The following CDH2 variants were observed in gnomAD, a reference collection of about 807,000 sequenced individuals.
CDH2 encodes cadherin 2.
Under a neutral mutation model 92.0 loss-of-function variants are expected in CDH2, and 17 were observed. That is an observed-to-expected ratio of 0.18 (90% CI 0.13 to 0.28). The LOEUF (loss-of-function observed/expected upper bound fraction) is 0.28. Ranked by LOEUF, CDH2 falls within the 10% of genes least tolerant of loss-of-function variation. The pLI is 1.00. For missense variants in CDH2, 862 were observed against 1,133.1 expected, an observed-to-expected ratio of 0.76 and a Z score of 3.44; for synonymous variants, 419 against 415.9, an observed-to-expected ratio of 1.01 and a Z score of -0.09.
At chr18:28,082,574 T>G (rs2144193129) in intron 2 of CDH2, among the ~76,000 whole-genome samples, 1 of 152,218 alleles carries the variant, frequency 6.6e-6, no homozygotes, top group Non-Finnish European at 1.5e-5. Context: ...TAATTTACAT[T>G]TTTTTCCTAC....
chr18:28,044,927 A>G (rs1381634613), intron 2 of CDH2, among the ~76,000 whole-genome samples: 1 of 151,972 alleles, frequency 6.6e-6, no homozygotes, highest in African/African-American at 2.4e-5. Context: ...GAGATTCATT[A>G]TATTTCATTA....
chr18:27,966,824 G>A lies in CDH2; in HGVS notation c.2350-3303C>T, dbSNP rs1020394153. Among the ~76,000 whole-genome samples, 20 of 152,056 alleles carry A rather than the reference G, an allele frequency of 1.3e-4. 1 individual carries two copies. The highest frequency in any genetic ancestry group is 4.4e-4 in the African/African-American group (18 of 41,376). On this transcript the variant is annotated intron_variant, in intron 14 of 15. Coordinates refer to ENST00000269141, the MANE Select transcript of CDH2 (RefSeq NM_001792.5). ...GCAGGAAGAGTCTTAAAACTTCGGT[G>A]GTCTTGCTTAGACCTTTGGACCATC...
downstream of CDH2, among the ~76,000 whole-genome samples, chr18:27,947,295 A>T (rs1487457560): frequency 6.6e-6 from 1 of 151,874 alleles, no homozygotes; most frequent in East Asian, 1.9e-4. Flanking sequence ...CACTCATAAT[A>T]GCAATGAAAA....
intron 2 of CDH2, among the ~76,000 whole-genome samples, chr18:28,033,903 T>C (rs2013760605): frequency 6.6e-6 from 1 of 152,118 alleles, no homozygotes; most frequent in Non-Finnish European, 1.5e-5. Context: ...AAAAAATGCT[T>C]GTATTAAAAA....
intron 2 of CDH2, among the ~76,000 whole-genome samples, chr18:28,038,710 AG>A (rs1157168172): frequency 1.3e-5 from 2 of 152,044 alleles, no homozygotes; most frequent in African/African-American, 4.8e-5. Flanking sequence ...CTCTTCAAAA[AG>A]GTATTTTACA....
At chr18:28,138,704 C>T (rs530444207) in intron 2 of CDH2, among the ~76,000 whole-genome samples, 2 of 152,188 alleles carry the variant, frequency 1.3e-5, no homozygotes, top group African/African-American at 2.4e-5. Flanking sequence ...TTGAGAAAGG[C>T]CTGCCACATG....
At chr18:27,999,872 T>C (rs1315310143) in intron 7 of CDH2, among the ~76,000 whole-genome samples, 2 of 151,852 alleles carry the variant, frequency 1.3e-5, no homozygotes, top group Non-Finnish European at 2.9e-5. Context: ...ATGGGGGCAG[T>C]TTCCCCCATA....
intron 1 of CDH2, among the ~76,000 whole-genome samples, chr18:28,167,816 T>G (rs984669468): frequency 1.3e-5 from 2 of 152,158 alleles, no homozygotes; most frequent in Non-Finnish European, 2.9e-5. Context: ...AAATATCATA[T>G]CAGGTAGCAG....
intron 2 of CDH2, among the ~76,000 whole-genome samples, chr18:28,109,311 T>C (rs1451646549): frequency 1.3e-5 from 2 of 152,158 alleles, no homozygotes; most frequent in African/African-American, 2.4e-5. Context: ...TGTCAGAAAA[T>C]GTTTTACTAA....
chr18:28,019,083 G>T (rs1346919818), intron 2 of CDH2, among the ~76,000 whole-genome samples: 1 of 151,904 alleles, frequency 6.6e-6, no homozygotes, highest in Admixed American at 6.6e-5. Flanking sequence ...CTCATAAGTG[G>T]GAGCTAAGCT....
At chr18:28,123,839 C>T (rs1325332794) in intron 2 of CDH2, among the ~76,000 whole-genome samples, 1 of 152,102 alleles carries the variant, frequency 6.6e-6, no homozygotes, top group African/African-American at 2.4e-5. Flanking sequence ...GAACTGAAAG[C>T]ACTTTTGTTC....
rs111696446 is a variant in CDH2 at position 27,983,163 on chromosome 18, T to C, written c.2210-80A>G. 452 of 1,051,066 alleles carry C rather than the reference T, an allele frequency of 4.3e-4. 3 individuals carry two copies. The African/African-American group carries it at 6.7e-3, about 16-fold the overall frequency. The allele number at this position is 1,051,066 out of a possible 1,614,324, so 65.1% of individuals were successfully genotyped here. On this transcript the variant is annotated intron_variant, in intron 13 of 15. Transcript: ENST00000269141. ...ATTTAGTCACAGTATTCAGTACTAA[T>C]AATTTATACTTATATGAACTGAAGG... is the stretch of plus-strand genomic sequence containing the variant.
intron 2 of CDH2, among the ~76,000 whole-genome samples, chr18:28,135,209 T>C (rs1284366500): frequency 6.6e-6 from 1 of 152,186 alleles, no homozygotes; most frequent in Admixed American, 6.5e-5. Context: ...GCAAATGTAA[T>C]ACATTTATAA....
intron 2 of CDH2, among the ~76,000 whole-genome samples, chr18:28,140,516 T>C (rs906127235): frequency 1.3e-5 from 2 of 151,910 alleles, no homozygotes; most frequent in African/African-American, 4.8e-5. Flanking sequence ...TTAGTGCCCT[T>C]ACAGAAGAGG....
At chr18:28,001,232 T>A (rs1486184995) in intron 7 of CDH2, among the ~76,000 whole-genome samples, 1 of 152,200 alleles carries the variant, frequency 6.6e-6, no homozygotes, top group Non-Finnish European at 1.5e-5. Context: ...CAGGCTTTCA[T>A]CCTCTAAACG....
Position 28,005,919 on chromosome 18 carries a change from G to A in CDH2, c.777C>T (p.Asp259=). ...AGAACTCAGGTCTGTTGTCATTCAT[G>A]TCAATAACATTGATGACAATGTCAA... ...NPIDIVINVI[D]MNDNRPEFLH... The change falls in exon 6 of 16, where the codon GAC becomes GAT. Residue 259 remains aspartate, a synonymous_variant. Coordinates refer to ENST00000269141, the MANE Select transcript of CDH2 (RefSeq NM_001792.5). 2 of 1,611,054 alleles carry A rather than the reference G, an allele frequency of 1.2e-6. No homozygotes were observed. The highest frequency in any genetic ancestry group is 1.7e-6 in the Non-Finnish European group (2 of 1,177,254).
intron 1 of CDH2, among the ~76,000 whole-genome samples, chr18:28,165,863 C>G (rs535302517): frequency 4.6e-4 from 70 of 151,838 alleles, no homozygotes; most frequent in African/African-American, 1.4e-3. Context: ...ATAAAAGAAG[C>G]ATTTCAGTTC....
chr18:28,122,656 A>G (rs1318775213), intron 2 of CDH2, among the ~76,000 whole-genome samples: 1 of 152,136 alleles, frequency 6.6e-6, no homozygotes, highest in Non-Finnish European at 1.5e-5. Context: ...TAGCACGAAG[A>G]TTTCTAATTA....
intron 2 of CDH2, among the ~76,000 whole-genome samples, chr18:28,118,964 T>A (rs967129472): frequency 6.6e-6 from 1 of 152,086 alleles, no homozygotes; most frequent in Non-Finnish European, 1.5e-5. Flanking sequence ...ATAAAGTTAT[T>A]TTCCTTGCTC....
Sources: gnomAD v4.1 joint callset for allele counts (sites outside exome capture counted in the v4.1 genomes callset) on GRCh38, gnomAD v4.1.1 for gene constraint, MANE v1.5 for transcripts, NCBI Gene and HGNC (gene_info 2026-07-23, HGNC 2026-07-21) for gene names.